Variants in FAT3 observed in about 807,000 individuals in gnomAD.
The protein encoded by FAT3 is protocadherin Fat 3.
FAT3 carries 95 observed loss-of-function variants against 310.2 expected under a neutral mutation model. The ratio of observed to expected loss-of-function variants is 0.31; its 90% confidence interval spans 0.26 to 0.36. The LOEUF (loss-of-function observed/expected upper bound fraction) is 0.36, where lower values mean the gene tolerates loss of function less well. Ranked by LOEUF, FAT3 falls within the 10% of genes least tolerant of loss-of-function variation. The pLI is 1.00. For synonymous variants in FAT3, 2,314 were observed against 2,192.9 expected, an observed-to-expected ratio of 1.06 and a Z score of -1.54; for missense variants, 5,408 against 5,715.6, an observed-to-expected ratio of 0.95 and a Z score of 1.74.
At chr11:92,864,919 G>A (rs1291847005) in intron 21 of FAT3, among the ~76,000 whole-genome samples, 1 of 152,226 alleles carries the variant, frequency 6.6e-6, no homozygotes, top group Non-Finnish European at 1.5e-5. Flanking sequence ...ACAGAGCAAA[G>A]TATGTATGTT....
chr11:92,344,494 A>G (rs1409159338), intron 1 of FAT3, among the ~76,000 whole-genome samples: 2 of 152,200 alleles, frequency 1.3e-5, no homozygotes, highest in African/African-American at 2.4e-5. Flanking sequence ...CCAAAGCTCA[A>G]GAGTAGTGAT....
chr11:92,346,070 T>C (rs1047995688), intron 1 of FAT3, among the ~76,000 whole-genome samples: 2 of 152,146 alleles, frequency 1.3e-5, no homozygotes, highest in African/African-American at 4.8e-5. Flanking sequence ...CATCAAACCC[T>C]TTTTCTTCTT....
intron 2 of FAT3, among the ~76,000 whole-genome samples, chr11:92,445,340 G>C (rs1329608077): frequency 6.6e-6 from 1 of 152,106 alleles, no homozygotes. Context: ...GATCTCTGGG[G>C]ATGGGGTTTG....
chr11:92,456,411 A>C (rs1951493245), intron 2 of FAT3, among the ~76,000 whole-genome samples: 2 of 152,324 alleles, frequency 1.3e-5, no homozygotes, highest in Admixed American at 6.5e-5. Context: ...AGTAGTTTTT[A>C]ACCATTTCAC....
At chr11:92,505,214 C>G (rs1047556634) in intron 2 of FAT3, among the ~76,000 whole-genome samples, 1 of 152,100 alleles carries the variant, frequency 6.6e-6, no homozygotes, top group Admixed American at 6.6e-5. Flanking sequence ...GAACCAATTC[C>G]TGATGCTGAT....
rs184146540 is a variant in FAT3 at position 92,476,162 on chromosome 11, C to T, written c.3293-48472C>T. Among the ~76,000 whole-genome samples, 9 of 151,900 alleles carry T rather than the reference C, an allele frequency of 5.9e-5. No individual in the cohort carries two copies. In the East Asian group the frequency reaches 1.8e-3, roughly 30 times the overall value. On this transcript the variant is annotated intron_variant, in intron 2 of 27. Coordinates refer to ENST00000525166, the MANE Select transcript of FAT3 (RefSeq NM_001367949.2). ...GTGGGTGGACAGTAAAGAGGTCTAC[C>T]AAATACTGAGAAAATGACTTGGGAT...
At chr11:92,375,331 G>A (rs938395920) in intron 2 of FAT3, among the ~76,000 whole-genome samples, 2 of 152,062 alleles carry the variant, frequency 1.3e-5, no homozygotes, top group African/African-American at 2.4e-5. Flanking sequence ...TGTAGAGATA[G>A]GGTCTTGCCA....
At chr11:92,282,430 C>T (rs1252503560) in intron 1 of FAT3, among the ~76,000 whole-genome samples, 5 of 151,912 alleles carry the variant, frequency 3.3e-5, no homozygotes, top group African/African-American at 9.7e-5. Flanking sequence ...TTTGGGAGGC[C>T]GAGGCGGATG....
At chr11:92,600,254 A>G (rs901152852) in intron 3 of FAT3, among the ~76,000 whole-genome samples, 16 of 152,210 alleles carry the variant, frequency 1.1e-4, no homozygotes, top group Non-Finnish European at 2.1e-4. Flanking sequence ...GCCTTAAAAA[A>G]GTGTATAGAG....
chr11:92,819,013 T>A (rs1947892861), intron 13 of FAT3, among the ~76,000 whole-genome samples: 1 of 152,258 alleles, frequency 6.6e-6, no homozygotes, highest in African/African-American at 2.4e-5. Flanking sequence ...CTTCAGGCAC[T>A]GCGCCAAGTG....
At chr11:92,246,770 T>C (rs759720575) in intron 1 of FAT3, among the ~76,000 whole-genome samples, 4 of 152,042 alleles carry the variant, frequency 2.6e-5, no homozygotes, top group Non-Finnish European at 4.4e-5. Context: ...TTAGAACACA[T>C]ACATCACACT....
At chr11:92,544,517 A>C (rs1054544516) in intron 3 of FAT3, among the ~76,000 whole-genome samples, 1 of 148,872 alleles carries the variant, frequency 6.7e-6, no homozygotes, top group South Asian at 2.1e-4. Context: ...ATAAACAAAC[A>C]GAAGCAAGTG....
At chr11:92,707,134 T>G (rs1196953284) in intron 4 of FAT3, among the ~76,000 whole-genome samples, 1 of 152,250 alleles carries the variant, frequency 6.6e-6, no homozygotes, top group East Asian at 1.9e-4. Flanking sequence ...TTTACCTGTT[T>G]GTGAAAGGTT....
chr11:92,588,640 G>T (rs1372728315), intron 3 of FAT3, among the ~76,000 whole-genome samples: 1 of 148,152 alleles, frequency 6.7e-6, no homozygotes, highest in Non-Finnish European at 1.5e-5. Context: ...TAAGAGACTT[G>T]GTGCAGACCA....
intron 4 of FAT3, among the ~76,000 whole-genome samples, chr11:92,721,074 C>G (rs1944845053): frequency 6.6e-6 from 1 of 152,210 alleles, no homozygotes; most frequent in African/African-American, 2.4e-5. Flanking sequence ...AGATATTCTT[C>G]TTGATGTTCT....
intron 3 of FAT3, among the ~76,000 whole-genome samples, chr11:92,529,820 C>T (rs1278152590): frequency 6.6e-6 from 1 of 152,158 alleles, no homozygotes; most frequent in Non-Finnish European, 1.5e-5. Flanking sequence ...ACCCATGCTC[C>T]ATTCACTGGC....
intron 2 of FAT3, among the ~76,000 whole-genome samples, chr11:92,374,576 C>T (rs984290431): frequency 4.6e-5 from 7 of 152,186 alleles, no homozygotes; most frequent in Admixed American, 3.9e-4. Context: ...GATTTAAAAA[C>T]CCACTATGAA....
At chr11:92,248,389 C>T (rs1483658179) in intron 1 of FAT3, among the ~76,000 whole-genome samples, 2 of 152,000 alleles carry the variant, frequency 1.3e-5, no homozygotes, top group Non-Finnish European at 1.5e-5. Flanking sequence ...ACTTTTCCTC[C>T]AGTTTGGAAT....
intron 3 of FAT3, among the ~76,000 whole-genome samples, chr11:92,539,689 A>G (rs559207792): frequency 3.4e-4 from 52 of 152,306 alleles, no homozygotes; most frequent in Non-Finnish European, 5.6e-4. Context: ...AATTTTAGTC[A>G]TATCTATTAT....
Sources: gnomAD v4.1 joint callset for allele counts (sites outside exome capture counted in the v4.1 genomes callset) on GRCh38, gnomAD v4.1.1 for gene constraint, MANE v1.5 for transcripts, NCBI Gene and HGNC (gene_info 2026-07-23, HGNC 2026-07-21) for gene names.